ASPRV1: variants seen among roughly 807,000 people sequenced by gnomAD.
ASPRV1 encodes the protein retroviral-like aspartic protease 1.
ASPRV1 carries 7 observed loss-of-function variants against 11.0 expected under a neutral mutation model. The observed-to-expected ratio is 0.64, with a 90% CI of 0.36 to 1.20. ASPRV1 has a LOEUF of 1.20. Ranked by LOEUF, ASPRV1 falls within the 50% of genes most tolerant of loss-of-function variation. ASPRV1 has a pLI of 0.02. For synonymous variants in ASPRV1, 136 were observed against 138.4 expected (o/e 0.98, Z 0.12); for missense variants, 299 against 320.0 (o/e 0.93, Z 0.50).
At chr2:70,068,488 G>A in the ASPRV1 span, among the ~76,000 whole-genome samples, 4 of 152,166 alleles carry the variant, frequency 2.6e-5, no homozygotes, top group African/African-American at 9.7e-5. Flanking sequence ...GTTTCTAGGG[G>A]TATCTAGAGG....
At chr2:70,039,512 C>G in the ASPRV1 span, among the ~76,000 whole-genome samples, 6 of 152,196 alleles carry the variant, frequency 3.9e-5, no homozygotes, top group Non-Finnish European at 5.9e-5. Flanking sequence ...ATGGGTTATA[C>G]TAGGATGCTC....
the ASPRV1 span, among the ~76,000 whole-genome samples, chr2:70,033,930 A>C: frequency 1.3e-5 from 2 of 152,046 alleles, no homozygotes; most frequent in Admixed American, 6.5e-5. Context: ...CGAGGCGGGC[A>C]GATCACGAGG....
the ASPRV1 span, chr2:70,075,372 A>T: frequency 2.0e-5 from 3 of 150,070 alleles, no homozygotes; most frequent in Non-Finnish European, 3.0e-5. Context: ...AAAAAAAGCA[A>T]GCATGAACTC....
At chr2:69,959,327 C>T (rs1358976723), downstream of ASPRV1, among the ~76,000 whole-genome samples, 2 of 152,132 alleles carry the variant, frequency 1.3e-5, no homozygotes, top group African/African-American at 2.4e-5. Flanking sequence ...CAGGCTCGCC[C>T]GATGTGCTTG....
chr2:70,058,077 A>G, the ASPRV1 span, among the ~76,000 whole-genome samples: 3,723 of 152,222 alleles, frequency 0.024, 345 homozygotes, highest in Admixed American at 0.17. Flanking sequence ...GCCAACACGC[A>G]TGGCCAAGCT....
chr2:69,962,717 G>C (rs1200795049), upstream of ASPRV1: 3 of 164,112 alleles, frequency 1.8e-5, no homozygotes, highest in Admixed American at 1.7e-4. Flanking sequence ...TCACTCCATG[G>C]AGCCTTCTGC....
At chr2:70,007,021 T>C in the ASPRV1 span, among the ~76,000 whole-genome samples, 2 of 152,148 alleles carry the variant, frequency 1.3e-5, no homozygotes, top group Non-Finnish European at 2.9e-5. Flanking sequence ...AGTTCCTTCA[T>C]TGTGACATAC....
At chr2:69,936,572 A>T in the ASPRV1 span, among the ~76,000 whole-genome samples, 1 of 152,198 alleles carries the variant, frequency 6.6e-6, no homozygotes, top group African/African-American at 2.4e-5. Flanking sequence ...TTCTGGGAGA[A>T]AACCTCTATT....
the ASPRV1 span, chr2:70,015,525 G>C: frequency 6.6e-6 from 1 of 152,172 alleles, no homozygotes; most frequent in African/African-American, 2.4e-5. Flanking sequence ...GGACTTGAAT[G>C]GTGCAGCTTT....
At chr2:70,077,978 C>G in the ASPRV1 span, among the ~76,000 whole-genome samples, 1 of 151,838 alleles carries the variant, frequency 6.6e-6, no homozygotes, top group Admixed American at 6.6e-5. Context: ...ACCAGCCTGA[C>G]CAACATGATG....
chr2:69,990,473 T>C, the ASPRV1 span, among the ~76,000 whole-genome samples: 72 of 151,964 alleles, frequency 4.7e-4, no homozygotes, highest in Non-Finnish European at 8.2e-4. Flanking sequence ...CATGAGCCAC[T>C]GTGCCCAGCC....
chr2:70,064,362 G>A, the ASPRV1 span, among the ~76,000 whole-genome samples: 2 of 152,168 alleles, frequency 1.3e-5, no homozygotes, highest in South Asian at 2.1e-4. Context: ...CTTTGACTAG[G>A]AATTCATGGT....
the ASPRV1 span, among the ~76,000 whole-genome samples, chr2:70,061,530 A>G: frequency 6.6e-6 from 1 of 152,190 alleles, no homozygotes; most frequent in African/African-American, 2.4e-5. Context: ...GGGGTCAACG[A>G]ACTGTGAGCA....
chr2:70,016,833 C>A, the ASPRV1 span, among the ~76,000 whole-genome samples: 4 of 150,736 alleles, frequency 2.7e-5, no homozygotes, highest in African/African-American at 9.8e-5. Flanking sequence ...AACAAGGCAA[C>A]AGAGTGAAAC....
the ASPRV1 span, among the ~76,000 whole-genome samples, chr2:70,007,704 G>A: frequency 1.3e-5 from 2 of 152,084 alleles, no homozygotes; most frequent in African/African-American, 4.8e-5. Context: ...ATAGCTATGT[G>A]ACTTTAACTG....
chr2:70,077,013 C>T, the ASPRV1 span, among the ~76,000 whole-genome samples: 1 of 152,148 alleles, frequency 6.6e-6, no homozygotes, highest in East Asian at 1.9e-4. Flanking sequence ...TTGTTCAAGG[C>T]CACACAGTCA....
At chr2:70,045,712 CAGG>C in the ASPRV1 span, 1 of 152,166 alleles carries the variant, frequency 6.6e-6, no homozygotes. Flanking sequence ...CACTTGAGGT[CAGG>C]AGTTCGAGAC....
At chr2:70,065,747 C>T in the ASPRV1 span, among the ~76,000 whole-genome samples, 5 of 139,520 alleles carry the variant, frequency 3.6e-5, no homozygotes, top group Admixed American at 3.7e-4. Context: ...ATCCCTTGAG[C>T]CCAGAGCGGT....
At chr2:69,972,595 T>C in the ASPRV1 span, among the ~76,000 whole-genome samples, 12 of 152,080 alleles carry the variant, frequency 7.9e-5, no homozygotes, top group Non-Finnish European at 1.6e-4. Context: ...TGACCTCAGG[T>C]GATCTGCCTG....
Sources: allele counts gnomAD v4.1 joint callset (sites outside exome capture counted in the v4.1 genomes callset), GRCh38; gene constraint gnomAD v4.1.1; transcripts MANE v1.5; gene names NCBI Gene and HGNC (gene_info 2026-07-23, HGNC 2026-07-21).